MYO3A: variants seen among roughly 807,000 people sequenced by gnomAD.
MYO3A encodes myosin-IIIa.
In MYO3A, 180 loss-of-function variants were observed where a neutral mutation model predicts 192.7. That is an observed-to-expected ratio of 0.93 (90% confidence interval 0.83 to 1.06). The LOEUF is 1.06. Ranked by LOEUF, MYO3A falls within the 50% of genes least tolerant of loss-of-function variation. The probability of loss-of-function intolerance (pLI) is 0.00; values close to 1 mark genes in which losing one functional copy is unlikely to be tolerated. For synonymous variants in MYO3A, 628 were observed against 645.3 expected (o/e 0.97, Z 0.41); for missense variants, 1,896 against 1,905.0 (o/e 1.00, Z 0.09).
At position 26,032,640 on chromosome 10, in the gene MYO3A, A is replaced by T. The variant is rs191006873; in HGVS notation, c.953+6108A>T. Among the ~76,000 whole-genome samples, 17 of 151,988 alleles carry T rather than the reference A, an allele frequency of 1.1e-4. No individual in the cohort carries two copies. The East Asian group carries it at 3.3e-3, about 29-fold the overall frequency. ...CAAAAAACAAAAAAACAAAAAAAAA[A>T]CCAACAAAAAAAACACACAGCCCAA... is the stretch of plus-strand genomic sequence containing the variant. On this transcript the variant is annotated intron_variant, in intron 10 of 34. Transcript: ENST00000642920.
chr10:26,102,399 A>G (rs907563727), intron 17 of MYO3A, among the ~76,000 whole-genome samples: 4 of 152,056 alleles, frequency 2.6e-5, no homozygotes, highest in Non-Finnish European at 4.4e-5. Context: ...TCTTCTCTCA[A>G]CTCATCAAAG....
chr10:26,027,715 AC>A (rs1368138097), intron 10 of MYO3A, among the ~76,000 whole-genome samples: 1 of 152,188 alleles, frequency 6.6e-6, no homozygotes, highest in Non-Finnish European at 1.5e-5. Flanking sequence ...GTCTTCTTTC[AC>A]TGAATAGTGA....
At chr10:26,076,268 A>C (rs1238813982) in intron 14 of MYO3A, among the ~76,000 whole-genome samples, 1 of 151,988 alleles carries the variant, frequency 6.6e-6, no homozygotes, top group Admixed American at 6.6e-5. Flanking sequence ...CCATTTTTTC[A>C]TATGTTTGTT....
chr10:25,952,370 A>G (rs1032448845), intron 3 of MYO3A, 92 bp downstream of exon 3: 166 of 1,328,118 alleles, frequency 1.2e-4, no homozygotes, highest in Non-Finnish European at 1.7e-4. Context: ...ATTCATCACA[A>G]TAGCAGTCTA....
At chr10:26,042,403 C>A (rs77464983) in intron 10 of MYO3A, among the ~76,000 whole-genome samples, 1,713 of 151,976 alleles carry the variant, frequency 0.011, 36 homozygotes, top group African/African-American at 0.037. Context: ...AACTTTCTAC[C>A]CCTCTTTCTC....
chr10:26,074,610 T>C (rs7074453), intron 14 of MYO3A, among the ~76,000 whole-genome samples: 2 of 147,146 alleles, frequency 1.4e-5, no homozygotes, highest in Non-Finnish European at 3.0e-5. Context: ...TATATTATAT[T>C]TAATTATATA....
intron 15 of MYO3A, among the ~76,000 whole-genome samples, chr10:26,092,425 C>G (rs1564539698): frequency 6.6e-6 from 1 of 150,806 alleles, no homozygotes; most frequent in Non-Finnish European, 1.5e-5. Context: ...AAGATCGTGC[C>G]ACTGCACTCC....
In MYO3A at chr10:26,064,871, G is replaced by A. The variant is rs540164652; in HGVS notation, c.954-2104G>A. Reference sequence around the variant, plus strand: ...GTTTGGAGACAGAGTATTTAGGAGTGTGGTTTGGGATGTGTCTGTCTCTCC... The same window carrying A: ...GTTTGGAGACAGAGTATTTAGGAGTATGGTTTGGGATGTGTCTGTCTCTCC... On this transcript the variant is annotated intron_variant, in intron 10 of 34. Transcript: ENST00000642920. Among the ~76,000 whole-genome samples, 7 of 152,296 alleles carry A rather than the reference G, an allele frequency of 4.6e-5. No individual in the cohort carries two copies. The South Asian group carries it at 1.5e-3, about 32-fold the overall frequency.
intron 10 of MYO3A, among the ~76,000 whole-genome samples, chr10:26,057,088 G>A (rs1834156585): frequency 1.3e-5 from 2 of 152,228 alleles, no homozygotes; most frequent in Admixed American, 1.3e-4. Flanking sequence ...AGGACGATAA[G>A]AAGGTCATTT....
At chr10:26,048,542 TAC>T (rs1374854810) in intron 10 of MYO3A, among the ~76,000 whole-genome samples, 2 of 128,268 alleles carry the variant, frequency 1.6e-5, no homozygotes, top group East Asian at 4.1e-4. Flanking sequence ...ATTATATACA[TAC>T]ATATATACAT....
intron 6 of MYO3A, among the ~76,000 whole-genome samples, chr10:26,010,800 G>A (rs922560801): frequency 8.5e-5 from 13 of 152,130 alleles, no homozygotes; most frequent in Non-Finnish European, 1.6e-4. Context: ...AAGTAATAAA[G>A]ATCACTTATT....
intron 4 of MYO3A, among the ~76,000 whole-genome samples, chr10:25,978,734 G>C (rs1440885865): frequency 1.3e-5 from 2 of 152,114 alleles, no homozygotes; most frequent in East Asian, 3.9e-4. Flanking sequence ...TAGTTGAATT[G>C]CTCAGATAAC....
intron 32 of MYO3A, among the ~76,000 whole-genome samples, chr10:26,199,518 C>T (rs183174545): frequency 2.6e-5 from 4 of 151,840 alleles, no homozygotes; most frequent in Non-Finnish European, 5.9e-5. Context: ...TGCAGTGAGC[C>T]GAGATTGCAC....
At chr10:26,043,149 GT>G (rs1843443788) in intron 10 of MYO3A, among the ~76,000 whole-genome samples, 1 of 143,274 alleles carries the variant, frequency 7.0e-6, no homozygotes, top group Non-Finnish European at 1.5e-5. Context: ...GCCAAACAGA[GT>G]CTCTCTCTCT....
Position 26,117,146 on chromosome 10 carries a change from G to A in MYO3A, c.1777-3530G>A, listed in dbSNP as rs566613227. 2.6e-5 allele frequency among the ~76,000 whole-genome samples: 4 copies of A among 152,216 alleles called. No homozygotes were observed. In the South Asian group the frequency reaches 8.3e-4, roughly 32 times the overall value. Reference sequence around the variant, plus strand: ...ATTTTTCTGCAGGTTTGGGTAGGTAGGATTTGGAGATGCAACTCTGTATAC... The same window carrying A: ...ATTTTTCTGCAGGTTTGGGTAGGTAAGATTTGGAGATGCAACTCTGTATAC... On this transcript the variant is annotated intron_variant, in intron 17 of 34. Coordinates refer to ENST00000642920, the MANE Select transcript of MYO3A (RefSeq NM_017433.5).
chr10:26,078,696 T>G (rs911222196), intron 14 of MYO3A, among the ~76,000 whole-genome samples: 2 of 152,136 alleles, frequency 1.3e-5, no homozygotes, highest in African/African-American at 4.8e-5. Context: ...CTAGAGGTTT[T>G]GATAGGTTGT....
chr10:26,040,317 C>A (rs1409472228), intron 10 of MYO3A, among the ~76,000 whole-genome samples: 3 of 152,006 alleles, frequency 2.0e-5, no homozygotes, highest in Non-Finnish European at 2.9e-5. Flanking sequence ...CAAAACAGAA[C>A]TAACATTAGA....
At chr10:26,163,718 T>A (rs1841592745) in intron 26 of MYO3A, among the ~76,000 whole-genome samples, 1 of 152,134 alleles carries the variant, frequency 6.6e-6, no homozygotes, top group African/African-American at 2.4e-5. Context: ...GAGTAGGAAG[T>A]CATAAATAAT....
At position 26,120,719 on chromosome 10, in the gene MYO3A, T is replaced by G; in HGVS notation, c.1820T>G (p.Val607Gly). The G allele has an allele frequency of 6.2e-7, 1 of 1,614,114 alleles. No individual in the cohort carries two copies. Among genetic ancestry groups the G allele is most frequent in the South Asian group, 1.1e-5 (1 of 91,082 alleles). ...IYSILAAILN[V>G]GNIEFSSVAT... ...AGCATACTCGCTGCAATCTTGAATG[T>G]TGGCAACATTGAATTTTCTTCTGTG... The change falls in exon 18 of 35, where the codon GTT (valine) becomes GGT (glycine). Residue 607 changes from valine to glycine, a missense_variant. Physicochemically the swap from Val to Gly is moderately radical, Grantham distance 109. Transcript: ENST00000642920.
Sources: allele counts gnomAD v4.1 joint callset (sites outside exome capture counted in the v4.1 genomes callset), GRCh38; gene constraint gnomAD v4.1.1; transcripts MANE v1.5; gene names NCBI Gene and HGNC (gene_info 2026-07-23, HGNC 2026-07-21).